The following PCSK1 variants were observed in gnomAD, a reference collection of about 807,000 sequenced individuals.
The protein encoded by PCSK1 is proprotein convertase subtilisin/kexin type 1.
PCSK1 carries 56 observed loss-of-function variants against 90.6 expected under a neutral mutation model. That is an observed-to-expected ratio of 0.62 (90% CI 0.50 to 0.77). The LOEUF (loss-of-function observed/expected upper bound fraction) is 0.77, where lower values mean the gene tolerates loss of function less well. Ranked by LOEUF, PCSK1 falls within the 30% of genes least tolerant of loss-of-function variation. PCSK1 has a pLI of 0.00. For synonymous variants in PCSK1, 348 were observed against 342.4 expected (o/e 1.02, Z -0.18); for missense variants, 801 against 932.6 (o/e 0.86, Z 1.84).
rs1760928962 is a variant in PCSK1 at position 96,416,062 on chromosome 5, A to G, written c.680T>C (p.Val227Ala). ...AACTTTGGAATTGTATGCAACTCCAACCCCGCATTTGTGATTATTTGCTTG... is the reference window on the plus strand; with the variant it reads ...AACTTTGGAATTGTATGCAACTCCAGCCCCGCATTTGTGATTATTTGCTTG... ...AMQANNHKCG[V>A]GVAYNSKVGG... The change falls in exon 6 of 14, where the codon GTT becomes GCT. Residue 227 changes from valine to alanine, a missense_variant. Coordinates refer to ENST00000311106, the MANE Select transcript of PCSK1 (RefSeq NM_000439.5). The G allele has an allele frequency of 3.7e-6, 6 of 1,611,948 alleles. No individual in the cohort carries two copies. Among genetic ancestry groups the G allele is most frequent in the Non-Finnish European group, 5.1e-6 (6 of 1,178,640 alleles).
chr5:96,414,349 G>A (rs1267776093), intron 6 of PCSK1, among the ~76,000 whole-genome samples: 2 of 152,038 alleles, frequency 1.3e-5, no homozygotes, highest in African/African-American at 4.8e-5. Flanking sequence ...TTTGAGGTGG[G>A]TGCCGTAATT....
At chr5:96,428,779 A>G (rs1761396294) in intron 2 of PCSK1, among the ~76,000 whole-genome samples, 1 of 152,162 alleles carries the variant, frequency 6.6e-6, no homozygotes, top group Non-Finnish European at 1.5e-5. Flanking sequence ...AGTAAGGCCC[A>G]TGTATTTCTT....
At position 96,394,850 on chromosome 5, in the gene PCSK1, A is replaced by G. The variant is rs536605373; in HGVS notation, c.1884+14T>C. On this transcript the variant is annotated intron_variant, in intron 13 of 13. Coordinates refer to ENST00000311106, the MANE Select transcript of PCSK1 (RefSeq NM_000439.5). ...GTTCAAAAGAGAGCATGCCAAGAACAGAGCCACACAGACCTCCCCTGGATC... is the reference window on the plus strand; with the variant it reads ...GTTCAAAAGAGAGCATGCCAAGAACGGAGCCACACAGACCTCCCCTGGATC... The G allele has an allele frequency of 1.2e-6, 2 of 1,613,518 alleles. No homozygotes were observed. The highest frequency in any genetic ancestry group is 1.7e-5 in the Admixed American group (1 of 60,028).
At chr5:96,417,446 G>T (rs990561218) in intron 5 of PCSK1, among the ~76,000 whole-genome samples, 7 of 151,780 alleles carry the variant, frequency 4.6e-5, no homozygotes, top group African/African-American at 1.7e-4. Flanking sequence ...CAATCATGGG[G>T]CCCCTCCTCT....
chr5:96,419,780 T>C (rs113588803), intron 5 of PCSK1, among the ~76,000 whole-genome samples: 3 of 152,098 alleles, frequency 2.0e-5, no homozygotes, highest in Admixed American at 1.3e-4. Flanking sequence ...TTATATTTTA[T>C]TTTAATTATT....
In PCSK1 at chr5:96,432,149, T is replaced by G. The variant is rs563844089; in HGVS notation, c.180+714A>C. On this transcript the variant is annotated intron_variant, in intron 1 of 13. Transcript: ENST00000311106. ...TCAGTTCGGCATCTCGACCCTGCAGTGGGACTGGCCGGGCAAAGTTATGAA... is the reference window on the plus strand; with the variant it reads ...TCAGTTCGGCATCTCGACCCTGCAGGGGGACTGGCCGGGCAAAGTTATGAA... 1.8e-3 allele frequency: 2,714 copies of G among 1,535,134 alleles called. 71 individuals are homozygous for G. The South Asian group carries it at 0.029, about 16-fold the overall frequency.
chr5:96,401,173 A>G (rs1162163836), intron 9 of PCSK1, among the ~76,000 whole-genome samples: 2 of 151,580 alleles, frequency 1.3e-5, no homozygotes, highest in Non-Finnish European at 2.9e-5. Flanking sequence ...TGAGTGCTAT[A>G]TTCATAGCTT....
chr5:96,404,928 T>C (rs1233880670), intron 9 of PCSK1, among the ~76,000 whole-genome samples: 1 of 152,212 alleles, frequency 6.6e-6, no homozygotes, highest in African/African-American at 2.4e-5. Flanking sequence ...CTAATCAATA[T>C]TGGGTGCCAT....
intron 12 of PCSK1, 106 bp from the exon 13 acceptor site, chr5:96,395,131 T>C: frequency 1.1e-6 from 1 of 924,264 alleles, no homozygotes; most frequent in South Asian, 1.4e-5. Flanking sequence ...CATTTTAAGA[T>C]TCTGTGCATT....
Position 96,425,956 on chromosome 5 carries a change from A to G in PCSK1, c.286-26T>C, listed in dbSNP as rs376053940. ...CTACAAGGATTTTTATAGCAAGAAAATCAAAAGTCAAATATCTACCTCTGT... is the reference window on the plus strand; with the variant it reads ...CTACAAGGATTTTTATAGCAAGAAAGTCAAAAGTCAAATATCTACCTCTGT... On this transcript the variant is annotated intron_variant, in intron 2 of 13. Transcript: ENST00000311106. 8 of 1,364,912 alleles carry G rather than the reference A, an allele frequency of 5.9e-6. No individual in the cohort carries two copies. The African/African-American group carries it at 1.0e-4, about 17-fold the overall frequency. The allele number at this position is 1,364,912 out of a possible 1,614,324, so 84.6% of individuals were successfully genotyped here.
In PCSK1 at chr5:96,393,344, G is replaced by C; in HGVS notation, c.1919C>G (p.Thr640Ser). The C allele has an allele frequency of 6.2e-7, 1 of 1,614,084 alleles. No homozygotes were observed. Among genetic ancestry groups the C allele is most frequent in the Non-Finnish European group, 8.5e-7 (1 of 1,179,980 alleles). The change falls in exon 14 of 14, where the codon ACC (threonine) becomes AGC (serine). Residue 640 changes from threonine to serine, a missense_variant. Thr to Ser is a moderately conservative substitution (Grantham distance 58). Transcript: ENST00000311106. ...QPTQENPKEN[T>S]LVSKSPSSSS... The stretch of plus-strand genomic sequence containing the variant: ...GCTGCTGGGGCTTTTGGACACCAGG[G>C]TGTTCTCCTTAGGGTTCTCTTGTGT...
At chr5:96,407,755 A>G (rs377294899) in intron 9 of PCSK1, among the ~76,000 whole-genome samples, 1 of 152,240 alleles carries the variant, frequency 6.6e-6, no homozygotes, top group Non-Finnish European at 1.5e-5. Context: ...TGATGTGGTT[A>G]TATCAGCTCC....
chr5:96,414,835 A>C (rs1760889727), intron 6 of PCSK1, among the ~76,000 whole-genome samples: 2 of 152,192 alleles, frequency 1.3e-5, no homozygotes, highest in Non-Finnish European at 2.9e-5. Context: ...TTAACAGAAC[A>C]CTTTGAAGAT....
At chr5:96,427,142 A>G (rs1300061221) in intron 2 of PCSK1, among the ~76,000 whole-genome samples, 1 of 152,200 alleles carries the variant, frequency 6.6e-6, no homozygotes, top group Non-Finnish European at 1.5e-5. Flanking sequence ...CTGTTGCTGC[A>G]TTTCACAGGG....
intron 2 of PCSK1, among the ~76,000 whole-genome samples, chr5:96,428,235 CCTTT>C (rs1261428695): frequency 3.3e-5 from 5 of 152,106 alleles, no homozygotes. Context: ...AGTTCTATCA[CCTTT>C]CTGTCACATA....
rs1257380141 is a variant in PCSK1, at chr5:96,392,012, T to C, written c.*989A>G. ...AGTTTCAAATACTTAGAACACGCTG[T>C]TCTAATGAACACAGTTGGAAAAAAA... On this transcript the variant is annotated 3_prime_UTR_variant, in exon 14 of 14. Transcript: ENST00000311106. 1 of 152,180 alleles carries C rather than the reference T, an allele frequency of 6.6e-6. No homozygotes were observed. The highest frequency in any genetic ancestry group is 1.9e-4 in the East Asian group (1 of 5,194). The allele number at this position is 152,180 out of a possible 1,614,324, so 9.4% of individuals were successfully genotyped here.
intron 5 of PCSK1, among the ~76,000 whole-genome samples, chr5:96,416,522 T>G (rs1387783147): frequency 2.0e-5 from 3 of 152,226 alleles, no homozygotes; most frequent in Non-Finnish European, 4.4e-5. Flanking sequence ...GGCTTCTGCT[T>G]TGTACTTTTT....
chr5:96,404,269 T>A (rs1442226633), intron 9 of PCSK1, among the ~76,000 whole-genome samples: 1 of 152,182 alleles, frequency 6.6e-6, no homozygotes, highest in Non-Finnish European at 1.5e-5. Context: ...ATTACTAGCA[T>A]TAAAAAGTGC....
chr5:96,424,051 AC>A (rs1761208639), intron 3 of PCSK1, among the ~76,000 whole-genome samples: 1 of 152,080 alleles, frequency 6.6e-6, no homozygotes, highest in Admixed American at 6.5e-5. Context: ...CTTTTAAAAT[AC>A]ATTTTCTGAT....
Sources: allele counts gnomAD v4.1 joint callset (sites outside exome capture counted in the v4.1 genomes callset), GRCh38; gene constraint gnomAD v4.1.1; transcripts MANE v1.5; gene names NCBI Gene and HGNC (gene_info 2026-07-23, HGNC 2026-07-21).